Variants in ABCA12 observed in about 807,000 individuals in gnomAD.
ABCA12 encodes the protein glucosylceramide transporter ABCA12.
ABCA12 carries 156 observed loss-of-function variants against 293.5 expected under a neutral mutation model. That is an observed-to-expected ratio of 0.53 (90% CI 0.47 to 0.61). The LOEUF is 0.61. Ranked by LOEUF, ABCA12 falls within the 20% of genes least tolerant of loss-of-function variation. ABCA12 has a pLI of 0.00. For missense variants in ABCA12, 2,797 were observed against 3,090.2 expected (o/e 0.91, Z 2.25); for synonymous variants, 1,063 against 1,108.0 (o/e 0.96, Z 0.81).
At chr2:215,122,918 G>C (rs974714142) in intron 1 of ABCA12, among the ~76,000 whole-genome samples, 1 of 152,066 alleles carries the variant, frequency 6.6e-6, no homozygotes, top group Non-Finnish European at 1.5e-5. Flanking sequence ...TATCCAGTAG[G>C]TAATTTCTCA....
In ABCA12 at chr2:215,000,869, T is replaced by C. The variant is rs1181310131; in HGVS notation, c.3015A>G (p.Pro1005=). The C allele has an allele frequency of 6.2e-7, 1 of 1,614,192 alleles. No individual in the cohort carries two copies. The change falls in exon 22 of 53, where the codon CCA becomes CCG. Residue 1005 remains proline (P), a synonymous_variant. Transcript: ENST00000272895. The part of the protein sequence containing the change: ...TRSLRTKIWA[P]GPHNSPSHNQ... ...TGTGTGATGGAGAATTGTGTGGCCCTGGAGCCCAAATCTTGGTTCTTAGGC... is the reference window on the plus strand; with the variant it reads ...TGTGTGATGGAGAATTGTGTGGCCCCGGAGCCCAAATCTTGGTTCTTAGGC...
intron 2 of ABCA12, among the ~76,000 whole-genome samples, chr2:215,077,391 A>G (rs964598653): frequency 2.6e-5 from 4 of 152,324 alleles, no homozygotes; most frequent in Non-Finnish European, 5.9e-5. Flanking sequence ...CTCTGAGTTG[A>G]TAAATTCCAT....
In ABCA12 at chr2:215,063,306, G is replaced by A. The variant is rs561333967; in HGVS notation, c.317+760C>T. Among the ~76,000 whole-genome samples, 15 of 152,056 alleles carry A rather than the reference G, an allele frequency of 9.9e-5. No individual in the cohort carries two copies. In the South Asian group the frequency reaches 1.2e-3, roughly 13 times the overall value. ...TTAAATTTGGCAACTAAATATCTAC[G>A]ATTATAGATAAATATAATATTTTCT... On this transcript the variant is annotated intron_variant, in intron 3 of 52. Coordinates refer to ENST00000272895, the MANE Select transcript of ABCA12 (RefSeq NM_173076.3).
intron 2 of ABCA12, among the ~76,000 whole-genome samples, chr2:215,109,542 C>T (rs1702528395): frequency 6.6e-6 from 1 of 152,202 alleles, no homozygotes; most frequent in South Asian, 2.1e-4. Context: ...GAAAGATAAT[C>T]ACTTCCTTGG....
At position 215,014,432 on chromosome 2, in the gene ABCA12, G is replaced by C. The variant is rs184729379; in HGVS notation, c.1956+1058C>G. Reference sequence around the variant, plus strand: ...GCCACACAGCAACTCTGGAGCCAGGGTCCAGAAAGTAGCCAAGTAAGAAAT... The same window carrying C: ...GCCACACAGCAACTCTGGAGCCAGGCTCCAGAAAGTAGCCAAGTAAGAAAT... On this transcript the variant is annotated intron_variant, in intron 15 of 52. Transcript: ENST00000272895. Among the ~76,000 whole-genome samples the C allele has an allele frequency of 1.0e-3, 155 of 152,254 alleles. 1 individual carries two copies. The highest frequency in any genetic ancestry group is 3.6e-3 in the African/African-American group (150 of 41,564).
intron 23 of ABCA12, among the ~76,000 whole-genome samples, chr2:214,996,713 G>T (rs1014671285): frequency 6.6e-6 from 1 of 152,136 alleles, no homozygotes; most frequent in Non-Finnish European, 1.5e-5. Context: ...TTCAAATACG[G>T]GGACAACCCT....
intron 47 of ABCA12, chr2:214,947,871 A>T (rs1334569309): frequency 2.8e-6 from 1 of 360,076 alleles, no homozygotes; most frequent in Admixed American, 3.9e-5. Context: ...GTAAGGCTTA[A>T]TAGAGCTGAA....
chr2:215,106,292 CCTT>C (rs1702462703), intron 2 of ABCA12, among the ~76,000 whole-genome samples: 1 of 152,068 alleles, frequency 6.6e-6, no homozygotes, highest in African/African-American at 2.4e-5. Flanking sequence ...TTTCAATCCT[CCTT>C]CTCACATTTT....
chr2:214,983,254 C>T (rs1035183568), intron 29 of ABCA12, among the ~76,000 whole-genome samples: 17 of 152,144 alleles, frequency 1.1e-4, no homozygotes, highest in Admixed American at 5.2e-4. Flanking sequence ...AGCCACTGGA[C>T]GATTTAAATC....
chr2:214,989,355 G>A lies in ABCA12; in HGVS notation c.3803C>T (p.Ala1268Val). Reference protein sequence around the residue: ...LADSFIYFLIAWYVRNVFPGT... With the variant: ...LADSFIYFLIVWYVRNVFPGT... ...TGGGAAGACATTCCTGACATACCAA[G>A]CAATAAGGAAATAAATGAAAGAGTC... is the stretch of plus-strand genomic sequence containing the variant. The change falls in exon 26 of 53, where the codon GCT (alanine) becomes GTT (valine). Residue 1268 changes from alanine (A) to valine (V), a missense_variant. Ala to Val is a moderately conservative substitution (Grantham distance 64). Coordinates refer to ENST00000272895, the MANE Select transcript of ABCA12 (RefSeq NM_173076.3). 6.2e-7 allele frequency: 1 copy of A among 1,613,274 alleles called. No homozygotes were observed. The highest frequency in any genetic ancestry group is 8.5e-7 in the Non-Finnish European group (1 of 1,179,854).
intron 36 of ABCA12, among the ~76,000 whole-genome samples, chr2:214,971,656 G>A (rs975264274): frequency 6.6e-6 from 1 of 152,128 alleles, no homozygotes; most frequent in East Asian, 1.9e-4. Context: ...CATATGTTAT[G>A]TATGGTGGTC....
chr2:214,992,616 G>A (rs1337253442), intron 23 of ABCA12, among the ~76,000 whole-genome samples: 1 of 139,314 alleles, frequency 7.2e-6, no homozygotes, highest in African/African-American at 2.7e-5. Flanking sequence ...AATCCCAGCT[G>A]TTTGGGAGTC....
intron 20 of ABCA12, among the ~76,000 whole-genome samples, chr2:215,002,727 A>AC (rs1320584220): frequency 6.6e-6 from 1 of 152,200 alleles, no homozygotes; most frequent in Non-Finnish European, 1.5e-5. Context: ...GGAAATCAAC[A>AC]CAACACCAAG....
At position 214,983,660 on chromosome 2, in the gene ABCA12, C is replaced by T. The variant is rs777825870; in HGVS notation, c.4369G>A (p.Glu1457Lys). 6 of 1,614,064 alleles carry T rather than the reference C, an allele frequency of 3.7e-6. No homozygotes were observed. The highest frequency in any genetic ancestry group is 1.1e-5 in the South Asian group (1 of 91,082). Residue 1457 changes from glutamate (E) to lysine (K), a missense_variant, in exon 29 of 53, where the codon GAG becomes AAG. Around this residue, in one of 3 missense-constraint regions of ABCA12, gnomAD observed 2,130 missense variants for 2,427.0 expected, o/e 0.88. Coordinates refer to ENST00000272895, the MANE Select transcript of ABCA12 (RefSeq NM_173076.3). ...GTCTTAACTTGCCTTTTTACTTCCTCGTGGAGCTGCTTTTTAGTCCAGTGA... is the reference window on the plus strand; with the variant it reads ...GTCTTAACTTGCCTTTTTACTTCCTTGTGGAGCTGCTTTTTAGTCCAGTGA... ...VPHWTKKQLH[E>K]EVKRTLKDTG...
chr2:215,092,420 C>G (rs1456950630), intron 2 of ABCA12, among the ~76,000 whole-genome samples: 1 of 152,116 alleles, frequency 6.6e-6, no homozygotes, highest in Non-Finnish European at 1.5e-5. Context: ...TGCCACCCTT[C>G]TCCCCAACCC....
intron 2 of ABCA12, among the ~76,000 whole-genome samples, chr2:215,081,495 A>AAAAAAAG (rs1553541627): frequency 7.8e-5 from 10 of 127,468 alleles, no homozygotes; most frequent in Non-Finnish European, 1.3e-4. Context: ...AAAAAAAAGA[A>AAAAAAAG]AAAGAAAAAA....
intron 1 of ABCA12, among the ~76,000 whole-genome samples, chr2:215,134,630 G>GAATATATAT (rs1703168817): frequency 8.0e-6 from 1 of 124,646 alleles, no homozygotes; most frequent in African/African-American, 3.8e-5. Context: ...GAGAGAGAGA[G>GAATATATAT]AGAGAGAGAG....
chr2:215,012,210 G>A (rs2106003063), intron 15 of ABCA12, 75 bp from the exon 16 acceptor site: 1 of 1,391,506 alleles, frequency 7.2e-7, no homozygotes, highest in South Asian at 1.2e-5. Flanking sequence ...TAAGGTTGTA[G>A]AAAGGTACAG....
intron 2 of ABCA12, 55 bp from the exon 3 acceptor site, chr2:215,064,274 A>C: frequency 6.3e-7 from 1 of 1,575,242 alleles, no homozygotes. Context: ...CTGGGAAAGA[A>C]CATAAATGCA....
Sources: gnomAD v4.1 joint callset for allele counts (sites outside exome capture counted in the v4.1 genomes callset) on GRCh38, gnomAD v4.1.1 for gene constraint, gnomAD v4.1.1 regional missense constraint, MANE v1.5 for transcripts, NCBI Gene and HGNC (gene_info 2026-07-23, HGNC 2026-07-21) for gene names.